The following CDC42EP3 variants were observed in gnomAD, a reference collection of about 807,000 sequenced individuals.
CDC42EP3 encodes CDC42 effector protein (Rho GTPase binding) 3.
A neutral mutation model predicts 15.5 loss-of-function variants in CDC42EP3; 4 were observed. That is an observed-to-expected ratio of 0.26 (90% CI 0.13 to 0.59). CDC42EP3 has a LOEUF of 0.59. Among genes scored for constraint, CDC42EP3 ranks in the 20% least tolerant of loss-of-function variants. The pLI, the probability that CDC42EP3 is intolerant of heterozygous loss-of-function variation, is 0.89. For synonymous variants in CDC42EP3, 145 were observed against 130.3 expected (o/e 1.11, Z -0.77); for missense variants, 309 against 311.2 (o/e 0.99, Z 0.05).
chr2:37,670,835 T>G (rs1389735265), intron 1 of CDC42EP3, among the ~76,000 whole-genome samples: 1 of 152,180 alleles, frequency 6.6e-6, no homozygotes. Context: ...CTGATACTTG[T>G]CTGTGTCAAG....
intron 1 of CDC42EP3, among the ~76,000 whole-genome samples, chr2:37,652,862 C>T (rs1665734038): frequency 6.6e-6 from 1 of 152,174 alleles, no homozygotes; most frequent in South Asian, 2.1e-4. Context: ...ATGAGCCTCA[C>T]CATGCCTGGC....
Position 37,645,845 on chromosome 2 carries a change from T to A in CDC42EP3, c.743A>T (p.Asn248Ile). 1 of 1,551,796 alleles carries A rather than the reference T, an allele frequency of 6.4e-7. No homozygotes were observed. Among genetic ancestry groups the A allele is most frequent in the Non-Finnish European group, 8.7e-7 (1 of 1,153,932 alleles). ...TTGTTACTTATTTTTATCCATTACA[T>A]TCAGCACCTCATCCAAAAGTGAGGG... ...LGPSLLDEVL[N>I]VMDKNK is the part of the protein sequence containing the mutation. Residue 248 changes from asparagine (N) to isoleucine (I), a missense_variant, in exon 2 of 2, where the codon AAT (asparagine) becomes ATT (isoleucine). Transcript: ENST00000295324.
chr2:37,648,019 G>A (rs115392650), intron 1 of CDC42EP3, among the ~76,000 whole-genome samples: 1,745 of 152,278 alleles, frequency 0.011, 14 homozygotes, highest in Non-Finnish European at 0.018. Context: ...GGTAAATGTT[G>A]TAAGCCCTCA....
At chr2:37,663,694 T>A (rs1214935590) in intron 1 of CDC42EP3, among the ~76,000 whole-genome samples, 2 of 152,172 alleles carry the variant, frequency 1.3e-5, no homozygotes, top group Non-Finnish European at 2.9e-5. Flanking sequence ...GACTTAAAAA[T>A]AAGCTAGTGT....
chr2:37,645,838 C>T lies in CDC42EP3; in HGVS notation c.750G>A (p.Met250Ile), dbSNP rs1429192487. 2 of 1,529,370 alleles carry T rather than the reference C, an allele frequency of 1.3e-6. No homozygotes were observed. The highest frequency in any genetic ancestry group is 1.3e-5 in the South Asian group (1 of 76,966). 94.7% of individuals were successfully genotyped at this position (1,529,370 alleles called of 1,614,324 possible). The change falls in exon 2 of 2, where the codon ATG becomes ATA. Residue 250 changes from methionine to isoleucine, a missense_variant. Coordinates refer to ENST00000295324, the MANE Select transcript of CDC42EP3 (RefSeq NM_006449.5). ...PSLLDEVLNV[M>I]DKNK ...TGGCATCTTGTTACTTATTTTTATCCATTACATTCAGCACCTCATCCAAAA... is the reference window on the plus strand; with the variant it reads ...TGGCATCTTGTTACTTATTTTTATCTATTACATTCAGCACCTCATCCAAAA...
At chr2:37,666,018 A>G (rs1261431897) in intron 1 of CDC42EP3, among the ~76,000 whole-genome samples, 2 of 152,180 alleles carry the variant, frequency 1.3e-5, no homozygotes, top group East Asian at 3.8e-4. Context: ...CTACACACAG[A>G]CACCCCTTTT....
chr2:37,642,628 T>G lies in CDC42EP3; in HGVS notation c.*3195A>C, dbSNP rs1239272567. On this transcript the variant is annotated 3_prime_UTR_variant, in exon 2 of 2. Coordinates refer to ENST00000295324, the MANE Select transcript of CDC42EP3 (RefSeq NM_006449.5). ...TATTTCACAGTAAAATGATTCAGTC[T>G]TGCCAGGTTCCATATTAGGAGGATT... is the stretch of plus-strand genomic sequence containing the variant. The G allele has an allele frequency of 6.6e-6, 1 of 152,240 alleles. No individual in the cohort carries two copies. The highest frequency in any genetic ancestry group is 1.5e-5 in the Non-Finnish European group (1 of 68,044). 9.4% of individuals were successfully genotyped at this position (152,240 alleles called of 1,614,324 possible). A position where few individuals can be genotyped will look rare whatever the true frequency, so the allele number is the denominator to read the frequency against.
chr2:37,660,197 T>A (rs1244569991), intron 1 of CDC42EP3, among the ~76,000 whole-genome samples: 1 of 152,202 alleles, frequency 6.6e-6, no homozygotes, highest in Non-Finnish European at 1.5e-5. Context: ...AAATAAACAC[T>A]TCTATTTTCT....
upstream of CDC42EP3, chr2:37,671,766 C>A (rs1424712449): frequency 6.6e-6 from 1 of 150,910 alleles, no homozygotes; most frequent in African/African-American, 2.4e-5. Flanking sequence ...CCGACCCTCC[C>A]AGCCGCGGTA....
At chr2:37,650,717 C>T (rs949410874) in intron 1 of CDC42EP3, among the ~76,000 whole-genome samples, 5 of 152,188 alleles carry the variant, frequency 3.3e-5, no homozygotes, top group African/African-American at 1.2e-4. Flanking sequence ...ATTCTGTCTG[C>T]TCCCTAATTA....
At position 37,665,499 on chromosome 2, in the gene CDC42EP3, AAC is replaced by A. The variant is rs547692881; in HGVS notation, c.-236+5925_-236+5926del. On this transcript the variant is annotated intron_variant, in intron 1 of 1. Coordinates refer to ENST00000295324, the MANE Select transcript of CDC42EP3 (RefSeq NM_006449.5). ...AATAAATAAAAAGGTTGAGAAATCA[AAC>A]ACATTCTGAATGGCAAAGCCACATT... is the stretch of plus-strand genomic sequence containing the variant. 5.5e-3 allele frequency among the ~76,000 whole-genome samples: 840 copies of A among 152,372 alleles called. 5 individuals carry two copies. The highest frequency in any genetic ancestry group is 0.01 in the Admixed American group (157 of 15,312).
chr2:37,663,990 C>T (rs1459222409), intron 1 of CDC42EP3, among the ~76,000 whole-genome samples: 9 of 151,998 alleles, frequency 5.9e-5, no homozygotes, highest in South Asian at 2.1e-4. Flanking sequence ...CTGGCTAAGG[C>T]GGTGAAGCCC....
At chr2:37,654,429 A>G (rs1665784729) in intron 1 of CDC42EP3, among the ~76,000 whole-genome samples, 1 of 152,124 alleles carries the variant, frequency 6.6e-6, no homozygotes, top group Non-Finnish European at 1.5e-5. Context: ...TTGTAATGAA[A>G]AGGAATTAAC....
chr2:37,672,172 C>G (rs1666454536), upstream of CDC42EP3: 1 of 152,216 alleles, frequency 6.6e-6, no homozygotes, highest in Non-Finnish European at 1.5e-5. Context: ...TCCCCAGGTC[C>G]CTCTCAGCCC....
At chr2:37,657,595 G>A (rs545524500) in intron 1 of CDC42EP3, among the ~76,000 whole-genome samples, 10 of 152,234 alleles carry the variant, frequency 6.6e-5, no homozygotes, top group African/African-American at 2.4e-4. Context: ...TTTTCTTTCT[G>A]ACCATCCCTT....
chr2:37,660,665 A>G (rs1453960868), intron 1 of CDC42EP3, among the ~76,000 whole-genome samples: 3 of 152,166 alleles, frequency 2.0e-5, no homozygotes, highest in African/African-American at 7.2e-5. Context: ...TTTCATTTTA[A>G]GTTACTTTGG....
intron 1 of CDC42EP3, among the ~76,000 whole-genome samples, chr2:37,661,090 T>C (rs1666041971): frequency 6.8e-6 from 1 of 147,380 alleles, no homozygotes; most frequent in South Asian, 2.2e-4. Flanking sequence ...GTATGTATAC[T>C]ATATATAGTG....
chr2:37,656,170 T>C (rs115106159), intron 1 of CDC42EP3, among the ~76,000 whole-genome samples: 3 of 152,368 alleles, frequency 2.0e-5, no homozygotes, highest in African/African-American at 7.2e-5. Context: ...TTCTGTATGA[T>C]ACCAGCACTG....
At position 37,643,830 on chromosome 2, in the gene CDC42EP3, A is replaced by G. The variant is rs1665348156; in HGVS notation, c.*1993T>C. ...TGAACTGTGACGGGTGTGGTCCAAC[A>G]GAAAAAACACTGGAGAGTCATGGAT... On this transcript the variant is annotated 3_prime_UTR_variant, in exon 2 of 2. Coordinates refer to ENST00000295324, the MANE Select transcript of CDC42EP3 (RefSeq NM_006449.5). The G allele has an allele frequency of 6.6e-6, 1 of 152,266 alleles. No homozygotes were observed. Among genetic ancestry groups the G allele is most frequent in the African/African-American group, 2.4e-5 (1 of 41,472 alleles). 9.4% of individuals were successfully genotyped at this position (152,266 alleles called of 1,614,324 possible). A position where few individuals can be genotyped will look rare whatever the true frequency, so the allele number is the denominator to read the frequency against.
Sources: gnomAD v4.1 joint callset for allele counts (sites outside exome capture counted in the v4.1 genomes callset) on GRCh38, gnomAD v4.1.1 for gene constraint, MANE v1.5 for transcripts, NCBI Gene and HGNC (gene_info 2026-07-23, HGNC 2026-07-21) for gene names.